The following TRHDE variants were observed in gnomAD, a reference collection of about 807,000 sequenced individuals.
The protein encoded by TRHDE is thyrotropin-releasing hormone-degrading ectoenzyme.
In TRHDE, 72 loss-of-function variants were observed where a neutral mutation model predicts 125.7. The ratio of observed to expected loss-of-function variants is 0.57; its 90% CI spans 0.47 to 0.70. The LOEUF (loss-of-function observed/expected upper bound fraction) is 0.70, where lower values mean the gene tolerates loss of function less well. Ranked by LOEUF, TRHDE falls within the 30% of genes least tolerant of loss-of-function variation. The pLI is 0.00. For synonymous variants in TRHDE, 509 were observed against 509.1 expected (o/e 1.00, Z 0.00); for missense variants, 1,110 against 1,327.1 (o/e 0.84, Z 2.54).
intron 2 of TRHDE, among the ~76,000 whole-genome samples, chr12:72,122,157 C>A (rs1441713131): frequency 6.6e-6 from 1 of 152,120 alleles, no homozygotes; most frequent in East Asian, 1.9e-4. Flanking sequence ...TGTTCTCCCC[C>A]ATTTCAAACC....
chr12:72,608,593 G>A (rs1274440759), intron 12 of TRHDE, among the ~76,000 whole-genome samples: 1 of 152,200 alleles, frequency 6.6e-6, no homozygotes, highest in East Asian at 1.9e-4. Flanking sequence ...TTAAGAACAT[G>A]GCTTTGGCTA....
At chr12:72,168,166 G>A (rs1261168265) in intron 2 of TRHDE, among the ~76,000 whole-genome samples, 1 of 152,146 alleles carries the variant, frequency 6.6e-6, no homozygotes. Context: ...ATACTAGTAT[G>A]AGAAAATAGG....
intron 2 of TRHDE, among the ~76,000 whole-genome samples, chr12:72,305,205 C>G (rs534512307): frequency 6.6e-6 from 1 of 152,182 alleles, no homozygotes; most frequent in East Asian, 1.9e-4. Flanking sequence ...ACAGTAACAG[C>G]AAACAACTCT....
At chr12:72,199,750 T>A (rs1877518562) in intron 2 of TRHDE, among the ~76,000 whole-genome samples, 1 of 152,196 alleles carries the variant, frequency 6.6e-6, no homozygotes, top group East Asian at 1.9e-4. Flanking sequence ...AGTTGCTTTG[T>A]TCATTATTCA....
At chr12:72,501,400 T>C (rs1440784274) in intron 6 of TRHDE, among the ~76,000 whole-genome samples, 1 of 152,122 alleles carries the variant, frequency 6.6e-6, no homozygotes, top group African/African-American at 2.4e-5. Flanking sequence ...TAATCAGAAA[T>C]GGATGTTGAC....
intron 5 of TRHDE, among the ~76,000 whole-genome samples, chr12:72,496,533 A>G (rs1877927051): frequency 6.6e-6 from 1 of 152,142 alleles, no homozygotes; most frequent in Non-Finnish European, 1.5e-5. Context: ...AGCCCCCATG[A>G]TTCAAGTATC....
chr12:72,474,949 T>C (rs1205026525), intron 5 of TRHDE, among the ~76,000 whole-genome samples: 2 of 152,174 alleles, frequency 1.3e-5, no homozygotes, highest in African/African-American at 4.8e-5. Flanking sequence ...ATTTTACTGA[T>C]ATTTTATGAA....
At chr12:72,367,447 C>T (rs1195319702) in intron 2 of TRHDE, among the ~76,000 whole-genome samples, 1 of 152,056 alleles carries the variant, frequency 6.6e-6, no homozygotes, top group Non-Finnish European at 1.5e-5. Flanking sequence ...CTTCCAGCTT[C>T]TTCTTTATGT....
intron 2 of TRHDE, among the ~76,000 whole-genome samples, chr12:72,315,658 G>T (rs1204375831): frequency 6.6e-6 from 1 of 152,200 alleles, no homozygotes; most frequent in African/African-American, 2.4e-5. Flanking sequence ...AATGTGGTTG[G>T]CCACAGGAGC....
At chr12:72,278,171 A>G (rs921976258) in intron 1 of TRHDE, among the ~76,000 whole-genome samples, 1 of 152,160 alleles carries the variant, frequency 6.6e-6, no homozygotes, top group African/African-American at 2.4e-5. Context: ...TTTAGTTTCC[A>G]CATATTACTG....
chr12:72,398,051 T>G (rs1204739581), intron 3 of TRHDE, among the ~76,000 whole-genome samples: 2 of 134,788 alleles, frequency 1.5e-5, no homozygotes, highest in Non-Finnish European at 3.4e-5. Flanking sequence ...TTCTCATTGT[T>G]CAATTCCCAC....
chr12:72,636,593 G>A (rs1223657159), intron 15 of TRHDE, among the ~76,000 whole-genome samples: 1 of 151,830 alleles, frequency 6.6e-6, no homozygotes, highest in African/African-American at 2.4e-5. Flanking sequence ...GTTTTCAAAG[G>A]GAATGCTTCC....
At chr12:72,423,938 A>G (rs917495492) in intron 3 of TRHDE, among the ~76,000 whole-genome samples, 3 of 152,164 alleles carry the variant, frequency 2.0e-5, no homozygotes, top group Admixed American at 1.3e-4. Flanking sequence ...AAGGACCTCT[A>G]GAAGCTGCAA....
chr12:72,604,878 C>A (rs534308067), intron 12 of TRHDE, among the ~76,000 whole-genome samples: 3 of 151,878 alleles, frequency 2.0e-5, no homozygotes, highest in Non-Finnish European at 4.4e-5. Context: ...TAAATCTATA[C>A]CATTAATGTC....
chr12:72,327,843 A>G (rs1869411668), intron 2 of TRHDE, among the ~76,000 whole-genome samples: 1 of 152,130 alleles, frequency 6.6e-6, no homozygotes, highest in Non-Finnish European at 1.5e-5. Flanking sequence ...CCCAGCTTTG[A>G]CTTTCAAAGA....
intron 6 of TRHDE, among the ~76,000 whole-genome samples, chr12:72,540,122 A>G (rs1367622212): frequency 2.0e-5 from 3 of 151,816 alleles, no homozygotes; most frequent in Non-Finnish European, 2.9e-5. Flanking sequence ...TGACAGTTGG[A>G]GAGCCCATCT....
intron 5 of TRHDE, among the ~76,000 whole-genome samples, chr12:72,486,208 A>G (rs1212333517): frequency 6.6e-6 from 1 of 152,158 alleles, no homozygotes; most frequent in Non-Finnish European, 1.5e-5. Flanking sequence ...CCTCAGAGCA[A>G]CAGTTCTTAG....
chr12:72,250,599 T>C (rs967396358), intron 2 of TRHDE, among the ~76,000 whole-genome samples: 2 of 152,008 alleles, frequency 1.3e-5, no homozygotes, highest in Admixed American at 6.6e-5. Context: ...TTCTATTAAG[T>C]TGCAAACAGA....
intron 12 of TRHDE, among the ~76,000 whole-genome samples, chr12:72,587,016 TG>T (rs1871469029): frequency 6.6e-6 from 1 of 152,136 alleles, no homozygotes; most frequent in African/African-American, 2.4e-5. Context: ...GAAAATTAGT[TG>T]GTGTTGCATT....
Sources: allele counts gnomAD v4.1 joint callset (sites outside exome capture counted in the v4.1 genomes callset), GRCh38; gene constraint gnomAD v4.1.1; transcripts MANE v1.5; gene names NCBI Gene and HGNC (gene_info 2026-07-23, HGNC 2026-07-21).